The following SGCZ variants were observed in gnomAD, a reference collection of about 807,000 sequenced individuals.
The protein encoded by SGCZ is sarcoglycan zeta.
Under a neutral mutation model 41.3 loss-of-function variants are expected in SGCZ, and 40 were observed. That is an observed-to-expected ratio of 0.97 (90% CI 0.75 to 1.26). The LOEUF (loss-of-function observed/expected upper bound fraction) is 1.26, where lower values mean the gene tolerates loss of function less well. Among genes scored for constraint, SGCZ ranks in the 50% most tolerant of loss-of-function variants. The pLI is 0.00. For missense variants in SGCZ, 552 were observed against 369.8 expected (o/e 1.49, Z -4.04); for synonymous variants, 206 against 137.5 (o/e 1.50, Z -3.49).
In SGCZ at chr8:14,763,231, G is replaced by A. The variant is rs147544836; in HGVS notation, c.40-208305C>T. On this transcript the variant is annotated intron_variant, in intron 1 of 7. Coordinates refer to ENST00000382080, the MANE Select transcript of SGCZ (RefSeq NM_139167.4). ...CCCTGAGATTTCCCTTTCTAGGAGC[G>A]TCTTATATTATTGCAAGCTTGTGAG... 7.9e-5 allele frequency among the ~76,000 whole-genome samples: 12 copies of A among 152,142 alleles called. No homozygotes were observed. The East Asian group carries it at 1.5e-3, about 20-fold the overall frequency.
At chr8:14,834,458 A>C (rs1802631484) in intron 1 of SGCZ, among the ~76,000 whole-genome samples, 1 of 152,198 alleles carries the variant, frequency 6.6e-6, no homozygotes, top group Non-Finnish European at 1.5e-5. Context: ...AGACTGAATG[A>C]GGTCCCTCCT....
intron 4 of SGCZ, among the ~76,000 whole-genome samples, chr8:14,179,623 C>G (rs116512355): frequency 1.3e-5 from 2 of 151,994 alleles, no homozygotes; most frequent in Non-Finnish European, 2.9e-5. Flanking sequence ...TCATGGATGG[C>G]GTAAAAGACA....
chr8:15,149,993 GA>G (rs1045249551), intron 1 of SGCZ, among the ~76,000 whole-genome samples: 3 of 152,120 alleles, frequency 2.0e-5, no homozygotes, highest in South Asian at 4.1e-4. Context: ...TAGTTAGATG[GA>G]AAAAAATCTG....
chr8:14,104,240 T>C (rs1259839714), intron 6 of SGCZ, among the ~76,000 whole-genome samples: 1 of 152,208 alleles, frequency 6.6e-6, no homozygotes, highest in Non-Finnish European at 1.5e-5. Context: ...TGTATTCATT[T>C]GGAAAGCACT....
chr8:14,585,062 A>G (rs1805015116), intron 1 of SGCZ, among the ~76,000 whole-genome samples: 1 of 152,150 alleles, frequency 6.6e-6, no homozygotes, highest in South Asian at 2.1e-4. Flanking sequence ...CTTCAAGGTC[A>G]CAGAATAAAT....
At chr8:14,477,310 C>T (rs1314836637) in intron 2 of SGCZ, among the ~76,000 whole-genome samples, 1 of 152,078 alleles carries the variant, frequency 6.6e-6, no homozygotes, top group East Asian at 1.9e-4. Flanking sequence ...CCTTTAAAAC[C>T]AACTTTGAGA....
At chr8:14,245,837 C>G (rs184055460) in intron 3 of SGCZ, among the ~76,000 whole-genome samples, 136 of 152,234 alleles carry the variant, frequency 8.9e-4, no homozygotes, top group African/African-American at 1.8e-3. Flanking sequence ...CCAAAAGACA[C>G]ATGAAAAAAT....
In SGCZ at chr8:14,240,354, AAG is replaced by A. The variant is rs201559691; in HGVS notation, c.337-2677_337-2676del. Among the ~76,000 whole-genome samples the A allele has an allele frequency of 4.5e-3, 467 of 104,896 alleles. 15 individuals are homozygous for A. The highest frequency in any genetic ancestry group is 0.04 in the East Asian group (120 of 3,020). 68.8% of individuals were successfully genotyped at this position (104,896 alleles called of 152,430 possible). A position where few individuals can be genotyped will look rare whatever the true frequency, so the allele number is the denominator to read the frequency against. Reference sequence around the variant, plus strand: ...AAAAAAAAAAAAAAAAAAAAAAAAAAAGAACTGAAAGTTTAAAAGTTTAATCA... The same window carrying A: ...AAAAAAAAAAAAAAAAAAAAAAAAAAAACTGAAAGTTTAAAAGTTTAATCA... On this transcript the variant is annotated intron_variant, in intron 3 of 7. Coordinates refer to ENST00000382080, the MANE Select transcript of SGCZ (RefSeq NM_139167.4).
At chr8:14,344,176 CA>C (rs1215774610) in intron 2 of SGCZ, among the ~76,000 whole-genome samples, 1 of 151,588 alleles carries the variant, frequency 6.6e-6, no homozygotes, top group Non-Finnish European at 1.5e-5. Flanking sequence ...GGATAGAAAC[CA>C]AAAACAAGTG....
chr8:14,537,503 CT>C (rs1803331381), intron 2 of SGCZ, among the ~76,000 whole-genome samples: 2 of 151,776 alleles, frequency 1.3e-5, no homozygotes, highest in African/African-American at 4.8e-5. Context: ...CATTCTTCCC[CT>C]AGGGAAGTTT....
At chr8:14,193,219 G>A (rs1404007997) in intron 4 of SGCZ, among the ~76,000 whole-genome samples, 1 of 151,758 alleles carries the variant, frequency 6.6e-6, no homozygotes, top group Non-Finnish European at 1.5e-5. Context: ...CCATGTATAT[G>A]TCTACCTTTT....
At chr8:14,204,274 C>G (rs1805547868) in intron 4 of SGCZ, among the ~76,000 whole-genome samples, 1 of 111,452 alleles carries the variant, frequency 9.0e-6, no homozygotes, top group South Asian at 3.8e-4. Context: ...TCACTTCACT[C>G]TGAATGTTTT....
intron 1 of SGCZ, among the ~76,000 whole-genome samples, chr8:15,220,401 AAAAG>A (rs1420051679): frequency 6.6e-6 from 1 of 152,166 alleles, no homozygotes; most frequent in East Asian, 1.9e-4. Context: ...ACTGGAATGA[AAAAG>A]AAAGTGGAGA....
intron 1 of SGCZ, among the ~76,000 whole-genome samples, chr8:14,660,262 T>A (rs1807704643): frequency 6.6e-6 from 1 of 152,136 alleles, no homozygotes; most frequent in African/African-American, 2.4e-5. Context: ...GTTGAAGGGT[T>A]ACTGTCATAG....
intron 3 of SGCZ, among the ~76,000 whole-genome samples, chr8:14,300,123 A>AT (rs1801137514): frequency 1.3e-5 from 2 of 152,006 alleles, no homozygotes; most frequent in African/African-American, 4.8e-5. Context: ...AAATAGCAAC[A>AT]TTTTGATTGT....
intron 1 of SGCZ, among the ~76,000 whole-genome samples, chr8:14,712,798 T>C (rs568688860): frequency 2.7e-4 from 41 of 152,308 alleles, no homozygotes; most frequent in African/African-American, 9.9e-4. Context: ...CCTGTTTAAA[T>C]ATGTCCTTAT....
chr8:14,262,098 C>G (rs1264944031), intron 3 of SGCZ, among the ~76,000 whole-genome samples: 2 of 152,146 alleles, frequency 1.3e-5, no homozygotes, highest in Non-Finnish European at 2.9e-5. Context: ...CTTGCATGAT[C>G]ACATGAGTAT....
At chr8:14,158,799 C>T (rs1423311972) in intron 5 of SGCZ, among the ~76,000 whole-genome samples, 14 of 152,130 alleles carry the variant, frequency 9.2e-5, no homozygotes, top group Admixed American at 7.9e-4. Flanking sequence ...GATGGAGTCT[C>T]AATCTGTTGC....
intron 3 of SGCZ, among the ~76,000 whole-genome samples, chr8:14,244,334 G>T (rs760619015): frequency 6.6e-6 from 1 of 151,712 alleles, no homozygotes; most frequent in Non-Finnish European, 1.5e-5. Flanking sequence ...CGTGAAACAA[G>T]TCATATCAAA....
Sources: gnomAD v4.1 joint callset for allele counts (sites outside exome capture counted in the v4.1 genomes callset) on GRCh38, gnomAD v4.1.1 for gene constraint, MANE v1.5 for transcripts, NCBI Gene and HGNC (gene_info 2026-07-23, HGNC 2026-07-21) for gene names.